The following AVEN variants were observed in gnomAD, a reference collection of about 807,000 sequenced individuals.
AVEN encodes apoptosis and caspase activation inhibitor, also known as cell death regulator Aven.
In AVEN, 41 loss-of-function variants were observed where a neutral mutation model predicts 38.1. The ratio of observed to expected loss-of-function variants is 1.08; its 90% CI spans 0.84 to 1.40. AVEN has a LOEUF of 1.40. AVEN is among the 40% of genes most tolerant of loss of function. The probability of loss-of-function intolerance (pLI) is 0.00; values close to 1 mark genes in which losing one functional copy is unlikely to be tolerated. For missense variants in AVEN, 605 were observed against 438.8 expected, an observed-to-expected ratio of 1.38 and a Z score of -3.38; for synonymous variants, 206 against 171.8, an observed-to-expected ratio of 1.20 and a Z score of -1.56.
At position 34,025,756 on chromosome 15, in the gene AVEN, G is replaced by C. The variant is rs1305602242; in HGVS notation, c.267+13024C>G. ...TGTGTTTTTGTTTTGGTTTGGTTTT[G>C]CGTGTGTGTGTGTGTTTGTGTGTGT... On this transcript the variant is annotated intron_variant, in intron 1 of 5. Transcript: ENST00000306730. 4.0e-5 allele frequency among the ~76,000 whole-genome samples: 6 copies of C among 151,324 alleles called. No individual in the cohort carries two copies. The East Asian group carries it at 1.2e-3, about 29-fold the overall frequency.
At chr15:33,857,802 T>A, downstream of AVEN, 1 of 1,614,116 alleles carries the variant, frequency 6.2e-7, no homozygotes, top group Non-Finnish European at 8.5e-7. Flanking sequence ...GTCGGTCTCC[T>A]GGCCGTGGTG....
chr15:33,884,676 A>T (rs1028741481), intron 2 of AVEN, among the ~76,000 whole-genome samples: 2 of 152,172 alleles, frequency 1.3e-5, no homozygotes, highest in Non-Finnish European at 2.9e-5. Context: ...CAGCCCTATC[A>T]ACAAAAAAAG....
chr15:34,026,722 C>T (rs567207965), intron 1 of AVEN, among the ~76,000 whole-genome samples: 1 of 152,198 alleles, frequency 6.6e-6, no homozygotes, highest in African/African-American at 2.4e-5. Flanking sequence ...CTAGTTTTTG[C>T]CTTCTTAATA....
chr15:33,994,037 T>G (rs554246964), intron 2 of AVEN, among the ~76,000 whole-genome samples: 57 of 152,356 alleles, frequency 3.7e-4, no homozygotes, highest in African/African-American at 1.2e-3. Flanking sequence ...GGCACACACG[T>G]GCTGGAGTTT....
chr15:34,072,656 TA>T (rs1194106908), intron 1 of AVEN, among the ~76,000 whole-genome samples: 2 of 151,896 alleles, frequency 1.3e-5, no homozygotes, highest in Non-Finnish European at 2.9e-5. Context: ...TTATTATTAT[TA>T]TTTTTTTGAG....
intron 2 of AVEN, among the ~76,000 whole-genome samples, chr15:33,882,458 T>C: frequency 6.6e-6 from 1 of 152,162 alleles, no homozygotes; most frequent in Admixed American, 6.5e-5. Flanking sequence ...GACAATTTTG[T>C]TGTATTTTGA....
chr15:33,917,682 A>C (rs1479288735), intron 2 of AVEN, among the ~76,000 whole-genome samples: 4 of 152,160 alleles, frequency 2.6e-5, no homozygotes, highest in Non-Finnish European at 4.4e-5. Context: ...AATGGCATTC[A>C]CAGCAACCTG....
intron 2 of AVEN, among the ~76,000 whole-genome samples, chr15:33,970,566 T>C (rs1895592842): frequency 6.6e-6 from 1 of 151,932 alleles, no homozygotes; most frequent in Non-Finnish European, 1.5e-5. Context: ...TTTCATCTGT[T>C]CCCTCCTTAT....
chr15:34,032,904 A>C (rs968869068), intron 1 of AVEN, among the ~76,000 whole-genome samples: 1 of 152,188 alleles, frequency 6.6e-6, no homozygotes, highest in Non-Finnish European at 1.5e-5. Context: ...CTTTCAATCA[A>C]AGTGATGGAG....
chr15:33,976,051 G>A (rs1219842177), intron 2 of AVEN, among the ~76,000 whole-genome samples: 1 of 152,158 alleles, frequency 6.6e-6, no homozygotes, highest in Non-Finnish European at 1.5e-5. Flanking sequence ...TGTGAACTCT[G>A]CAATTTACTT....
intron 1 of AVEN, among the ~76,000 whole-genome samples, chr15:34,025,747 T>C (rs928304748): frequency 2.6e-5 from 4 of 152,036 alleles, no homozygotes; most frequent in Non-Finnish European, 5.9e-5. Flanking sequence ...TTTGTTTTGG[T>C]TTGGTTTTGC....
At chr15:33,890,134 G>T (rs1022927319) in intron 2 of AVEN, among the ~76,000 whole-genome samples, 2 of 152,060 alleles carry the variant, frequency 1.3e-5, no homozygotes, top group African/African-American at 4.8e-5. Context: ...TGGTTTTCTG[G>T]TTTTTTTACT....
chr15:33,900,048 C>T (rs772139362), intron 2 of AVEN, among the ~76,000 whole-genome samples: 10 of 151,902 alleles, frequency 6.6e-5, no homozygotes, highest in Non-Finnish European at 1.2e-4. Flanking sequence ...GCCAAGGTCA[C>T]AATTATCGCA....
intron 2 of AVEN, among the ~76,000 whole-genome samples, chr15:33,876,844 G>C (rs928983192): frequency 1.3e-5 from 2 of 152,046 alleles, no homozygotes; most frequent in African/African-American, 2.4e-5. Context: ...CTAAAATGTA[G>C]CAGCCATACA....
At chr15:33,927,365 C>T (rs1165344472) in intron 2 of AVEN, among the ~76,000 whole-genome samples, 2 of 152,030 alleles carry the variant, frequency 1.3e-5, no homozygotes, top group African/African-American at 2.4e-5. Context: ...TGCATTGAAT[C>T]ATTGAAATGA....
intron 2 of AVEN, among the ~76,000 whole-genome samples, chr15:33,962,333 G>C (rs916734876): frequency 1.3e-5 from 2 of 151,988 alleles, no homozygotes; most frequent in Non-Finnish European, 1.5e-5. Flanking sequence ...ATTCTCTCTT[G>C]ATTTCCCTTT....
At chr15:34,060,474 C>T (rs140682230) in intron 5 of AVEN, among the ~76,000 whole-genome samples, 16 of 152,322 alleles carry the variant, frequency 1.1e-4, no homozygotes, top group African/African-American at 3.6e-4. Flanking sequence ...GCAAATTTGT[C>T]ACCTTTCTGT....
intron 2 of AVEN, among the ~76,000 whole-genome samples, chr15:33,961,648 C>T (rs1411675336): frequency 2.0e-5 from 3 of 151,270 alleles, no homozygotes; most frequent in Admixed American, 6.6e-5. Flanking sequence ...CCCGTCTCTA[C>T]TAAAAACACA....
chr15:33,989,299 C>G (rs1466922567), intron 2 of AVEN, among the ~76,000 whole-genome samples: 1 of 152,084 alleles, frequency 6.6e-6, no homozygotes, highest in African/African-American at 2.4e-5. Flanking sequence ...TATATTCTAA[C>G]CCAACAGTTT....
Sources: allele counts gnomAD v4.1 joint callset (sites outside exome capture counted in the v4.1 genomes callset), GRCh38; gene constraint gnomAD v4.1.1; transcripts MANE v1.5; gene names NCBI Gene and HGNC (gene_info 2026-07-23, HGNC 2026-07-21).